SH2B3: variants seen among roughly 807,000 people sequenced by gnomAD.
SH2B3 encodes SH2B adapter protein 3.
A neutral mutation model predicts 51.9 loss-of-function variants in SH2B3; 43 were observed. The ratio of observed to expected loss-of-function variants is 0.83; its 90% CI spans 0.65 to 1.07. The LOEUF (loss-of-function observed/expected upper bound fraction) is 1.07. Ranked by LOEUF, SH2B3 falls within the 50% of genes least tolerant of loss-of-function variation. SH2B3 has a pLI of 0.00. For synonymous variants in SH2B3, 396 were observed against 376.0 expected (o/e 1.05, Z -0.62); for missense variants, 952 against 834.3 (o/e 1.14, Z -1.74).
chr12:111,418,119 C>T lies in SH2B3; in HGVS notation c.-27C>T, dbSNP rs199733680. 1 of 1,476,888 alleles carries T rather than the reference C, an allele frequency of 6.8e-7. No individual in the cohort carries two copies. The highest frequency in any genetic ancestry group is 8.9e-7 in the Non-Finnish European group (1 of 1,125,454). The allele number at this position is 1,476,888 out of a possible 1,614,324, so 91.5% of individuals were successfully genotyped here. A position where few individuals can be genotyped will look rare whatever the true frequency, so the allele number is the denominator to read the frequency against. ...GCCCCCCCACCCACGTGTCTTTCAG[C>T]CCGGCCGCACCACCTGGGTCTCCGC... On this transcript the variant is annotated splice_region_variant and 5_prime_UTR_variant, in exon 2 of 8. Coordinates refer to ENST00000341259, the MANE Select transcript of SH2B3 (RefSeq NM_005475.3). This position sits in a 1 kb window ranked among gnomAD's most constrained non-coding sequence, Gnocchi z 6.7.
chr12:111,418,973 G>C lies in SH2B3; in HGVS notation c.732+96G>C. 8.3e-7 allele frequency: 1 copy of C among 1,202,222 alleles called. No individual in the cohort carries two copies. Among genetic ancestry groups the C allele is most frequent in the Non-Finnish European group, 1.1e-6 (1 of 928,910 alleles). 74.5% of individuals were successfully genotyped at this position (1,202,222 alleles called of 1,614,324 possible). Reference sequence around the variant, plus strand: ...GCTGGGGAGGTGTGATGGCTTTCCAGCTGGTGGCCACAGAGTGTCCAGAGG... The same window carrying C: ...GCTGGGGAGGTGTGATGGCTTTCCACCTGGTGGCCACAGAGTGTCCAGAGG... On this transcript the variant is annotated intron_variant, in intron 2 of 7. Coordinates refer to ENST00000341259, the MANE Select transcript of SH2B3 (RefSeq NM_005475.3). This position sits in a 1 kb window ranked among gnomAD's most constrained non-coding sequence, Gnocchi z 6.7.
At position 111,406,552 on chromosome 12, in the gene SH2B3, C is replaced by T. The variant is rs1870264750; in HGVS notation, c.-28+275C>T. 2.0e-5 allele frequency among the ~76,000 whole-genome samples: 3 copies of T among 152,206 alleles called. No homozygotes were observed. The highest frequency in any genetic ancestry group is 2.0e-4 in the Admixed American group (3 of 15,292). On this transcript the variant is annotated intron_variant, in intron 1 of 7. Transcript: ENST00000341259. This position sits in a 1 kb window ranked among gnomAD's most constrained non-coding sequence, Gnocchi z 5.7. Reference sequence around the variant, plus strand: ...GGGGGAGAGGGCATCGCTGACGCCCCCAGCCCACCCTACGGTAGCCTCGCC... The same window carrying T: ...GGGGGAGAGGGCATCGCTGACGCCCTCAGCCCACCCTACGGTAGCCTCGCC...
At chr12:111,447,054 C>A in intron 4 of SH2B3, 21 bp downstream of exon 4, 5 of 1,610,516 alleles carry the variant, frequency 3.1e-6, no homozygotes, top group Non-Finnish European at 4.2e-6. Flanking sequence ...GGGCCCTCGT[C>A]CCTGGCACCA....
intron 2 of SH2B3, among the ~76,000 whole-genome samples, chr12:111,432,911 T>C (rs1354331373): frequency 6.6e-6 from 1 of 152,274 alleles, no homozygotes; most frequent in Admixed American, 6.5e-5. Flanking sequence ...TATCACTTAA[T>C]AGACATCAGG....
In SH2B3 at chr12:111,418,497, G is replaced by A; in HGVS notation, c.352G>A (p.Ala118Thr). Residue 118 changes from alanine to threonine, a missense_variant, in exon 2 of 8, where the codon GCC (alanine) becomes ACC (threonine). By Grantham distance (58) the Ala-to-Thr change is moderately conservative. Coordinates refer to ENST00000341259, the MANE Select transcript of SH2B3 (RefSeq NM_005475.3). The surrounding 1 kb of genome is among the most constrained non-coding windows in gnomAD (Gnocchi z 6.7). ...CCCCGCCGCCCCTGGCCTGCCCAAG[G>A]CCCGCAGCTCTGAGGAGCTGGCCCC... ...PGPAAPGLPK[A>T]RSSEELAPPR... is the part of the protein sequence containing the mutation. 1 of 1,376,954 alleles carries A rather than the reference G, an allele frequency of 7.3e-7. No homozygotes were observed. Among genetic ancestry groups the A allele is most frequent in the South Asian group, 1.5e-5 (1 of 67,528 alleles). The allele number at this position is 1,376,954 out of a possible 1,614,324, so 85.3% of individuals were successfully genotyped here.
chr12:111,447,236 CT>C lies in SH2B3; in HGVS notation c.1021+18del, dbSNP rs755445162. The C allele has an allele frequency of 1.4e-5, 23 of 1,601,910 alleles. No individual in the cohort carries two copies. In the African/African-American group the frequency reaches 3.1e-4, roughly 21 times the overall value. On this transcript the variant is annotated intron_variant, in intron 5 of 7. Coordinates refer to ENST00000341259, the MANE Select transcript of SH2B3 (RefSeq NM_005475.3). The stretch of plus-strand genomic sequence containing the variant: ...TTAACCAAGGTGGGTAAACCAATAG[CT>C]AGGCCATTGTCTTCTGGGTACGCTG...
In SH2B3 at chr12:111,421,744, G is replaced by T. The variant is rs561073103; in HGVS notation, c.732+2867G>T. ...GTTTGTTTCTTTTGAGTACTGAATA[G>T]ATTCCATTGCACAGCTGTCTCCATG... On this transcript the variant is annotated intron_variant, in intron 2 of 7. Transcript: ENST00000341259. 1.3e-4 allele frequency among the ~76,000 whole-genome samples: 20 copies of T among 152,210 alleles called. No homozygotes were observed. In the East Asian group the frequency reaches 2.5e-3, roughly 19 times the overall value.
chr12:111,422,446 C>G (rs2135555533), intron 2 of SH2B3, among the ~76,000 whole-genome samples: 1 of 152,238 alleles, frequency 6.6e-6, no homozygotes, highest in Non-Finnish European at 1.5e-5. Context: ...TTTTTATTGT[C>G]TGTCTAGCCT....
intron 1 of SH2B3, among the ~76,000 whole-genome samples, chr12:111,414,706 C>T (rs779810111): frequency 6.6e-6 from 1 of 152,052 alleles, no homozygotes; most frequent in Non-Finnish European, 1.5e-5. Flanking sequence ...TCCACCATGG[C>T]CTCATGTGAC....
intron 2 of SH2B3, among the ~76,000 whole-genome samples, chr12:111,423,282 A>G (rs994577990): frequency 6.6e-6 from 1 of 152,222 alleles, no homozygotes; most frequent in Non-Finnish European, 1.5e-5. Context: ...ATCATTTGTT[A>G]AAAATCTCAA....
At chr12:111,405,429 G>A (rs1870172046), upstream of SH2B3, among the ~76,000 whole-genome samples, 1 of 152,202 alleles carries the variant, frequency 6.6e-6, no homozygotes, top group Non-Finnish European at 1.5e-5. The surrounding 1 kb of genome is among the most constrained non-coding windows in gnomAD (Gnocchi z 5.4). Context: ...CTATTGCACC[G>A]CCCAGCCCTG....
In SH2B3 at chr12:111,429,015, CGAGGAG is replaced by C. The variant is rs142822757; in HGVS notation, c.732+10165_732+10170del. 2.5e-3 allele frequency among the ~76,000 whole-genome samples: 288 copies of C among 114,934 alleles called. No individual in the cohort carries two copies. The highest frequency in any genetic ancestry group is 7.1e-3 in the South Asian group (24 of 3,376). 75.4% of individuals were successfully genotyped at this position (114,934 alleles called of 152,430 possible). On this transcript the variant is annotated intron_variant, in intron 2 of 7. Transcript: ENST00000341259. The surrounding 1 kb of genome is among the most constrained non-coding windows in gnomAD (Gnocchi z 4.4). The stretch of plus-strand genomic sequence containing the variant: ...GCGGTTTCCTCTCGGGGCAGGAGTG[CGAGGAG>C]GAGGAGGAGGAGGAGGAGGAGGAGG...
chr12:111,448,290 C>A lies in SH2B3; in HGVS notation c.1716C>A (p.Tyr572Ter). Residue 572 changes from tyrosine (Y) to a stop codon, truncating the protein, a stop_gained, in exon 8 of 8, where the codon TAC becomes TAA. Transcript: ENST00000341259. LOFTEE classifies it high-confidence loss of function. ...ACCTGCGGGCCATAGACAATCAGTA[C>A]ACACCTCTCTGACCAGTGAGGAATT... is the stretch of plus-strand genomic sequence containing the variant. ...RSHLRAIDNQ[Y>*]TPL The A allele has an allele frequency of 6.2e-7, 1 of 1,607,588 alleles. No individual in the cohort carries two copies. The highest frequency in any genetic ancestry group is 8.5e-7 in the Non-Finnish European group (1 of 1,174,948).
In SH2B3 at chr12:111,448,169, C is replaced by T. The variant is rs1406583743; in HGVS notation, c.1595C>T (p.Pro532Leu). ...CAGATCTTCCACCTGGTGCCTTCGC[C>T]CGAAGAACTGGCCAACAGCCTGCAG... ...PEQIFHLVPSPEELANSLQHL... is the reference protein window; with the variant it reads ...PEQIFHLVPSLEELANSLQHL... Residue 532 changes from proline to leucine, a missense_variant, in exon 8 of 8, where the codon CCC becomes CTC. Pro to Leu is a moderately conservative substitution (Grantham distance 98, BLOSUM62 -3). Coordinates refer to ENST00000341259, the MANE Select transcript of SH2B3 (RefSeq NM_005475.3). 6.2e-7 allele frequency: 1 copy of T among 1,614,002 alleles called. No individual in the cohort carries two copies. The highest frequency in any genetic ancestry group is 8.5e-7 in the Non-Finnish European group (1 of 1,180,032).
Position 111,429,629 on chromosome 12 carries a change from C to T in SH2B3, c.732+10752C>T, listed in dbSNP as rs151151099. Among the ~76,000 whole-genome samples, 1,514 of 152,352 alleles carry T rather than the reference C, an allele frequency of 9.9e-3. 8 individuals carry two copies. Among genetic ancestry groups the T allele is most frequent in the Non-Finnish European group, 0.016 (1,074 of 68,034 alleles). On this transcript the variant is annotated intron_variant, in intron 2 of 7. Transcript: ENST00000341259. The surrounding 1 kb of genome is among the most constrained non-coding windows in gnomAD (Gnocchi z 4.4). ...GATTACAGGCGTGAGCTACCGCGCC[C>T]GGCCCATTTTTATTAATTGGTTTTC...
chr12:111,405,971 C>T lies in SH2B3; in HGVS notation c.-334C>T, dbSNP rs945397886. The T allele has an allele frequency of 2.0e-5, 3 of 151,684 alleles. No individual in the cohort carries two copies. The highest frequency in any genetic ancestry group is 4.4e-5 in the Non-Finnish European group (3 of 67,896). The allele number at this position is 151,684 out of a possible 1,614,324, so 9.4% of individuals were successfully genotyped here. ...GGCCCGGGCCACCGCCTCCGCCCGG[C>T]TGCCCGCCCGGACTGTCGCGGCCCG... On this transcript the variant is annotated 5_prime_UTR_variant, in exon 1 of 8. Transcript: ENST00000341259. The surrounding 1 kb of genome is among the most constrained non-coding windows in gnomAD (Gnocchi z 5.4).
At chr12:111,444,425 TGGA>T (rs1468552234) in intron 2 of SH2B3, among the ~76,000 whole-genome samples, 1 of 152,178 alleles carries the variant, frequency 6.6e-6, no homozygotes, top group Non-Finnish European at 1.5e-5. Flanking sequence ...ATGCTGGGAA[TGGA>T]GAAGACTTGC....
At position 111,407,293 on chromosome 12, in the gene SH2B3, G is replaced by C. The variant is rs1870325217; in HGVS notation, c.-28+1016G>C. Among the ~76,000 whole-genome samples, 1 of 152,108 alleles carries C rather than the reference G, an allele frequency of 6.6e-6. No homozygotes were observed. Among genetic ancestry groups the C allele is most frequent in the South Asian group, 2.1e-4 (1 of 4,826 alleles). ...GAAGTGAAATCTGGTGGGGGGTTCA[G>C]AGCAGAGGCCCCGGCAAGGCAATGT... On this transcript the variant is annotated intron_variant, in intron 1 of 7. Transcript: ENST00000341259. This position sits in a 1 kb window ranked among gnomAD's most constrained non-coding sequence, Gnocchi z 4.3.
rs1374812295 is a variant in SH2B3, at chr12:111,448,513, G to A, written c.*211G>A. 1.7e-6 allele frequency: 1 copy of A among 577,842 alleles called. No homozygotes were observed. Among genetic ancestry groups the A allele is most frequent in the Non-Finnish European group, 3.1e-6 (1 of 325,592 alleles). The allele number at this position is 577,842 out of a possible 1,614,324, so 35.8% of individuals were successfully genotyped here. On this transcript the variant is annotated 3_prime_UTR_variant, in exon 8 of 8. Transcript: ENST00000341259. ...CTATCCACCTGGCTTTCTCCTTATTGTTTACAGATGTAGTTCTTGTTAGAG... is the reference window on the plus strand; with the variant it reads ...CTATCCACCTGGCTTTCTCCTTATTATTTACAGATGTAGTTCTTGTTAGAG...
Sources: allele counts gnomAD v4.1 joint callset (sites outside exome capture counted in the v4.1 genomes callset), GRCh38; gene constraint gnomAD v4.1.1; non-coding constraint Gnocchi (gnomAD v3.1); transcripts MANE v1.5; gene names NCBI Gene and HGNC (gene_info 2026-07-23, HGNC 2026-07-21).